The following STX2 variants were observed in gnomAD, a reference collection of about 807,000 sequenced individuals.
The protein encoded by STX2 is syntaxin 2, also known as syntaxin-2.
A neutral mutation model predicts 40.6 loss-of-function variants in STX2; 27 were observed. The observed-to-expected ratio is 0.66, with a 90% CI of 0.49 to 0.92. STX2 has a LOEUF of 0.92. Ranked by LOEUF, STX2 falls within the 40% of genes least tolerant of loss-of-function variation. STX2 has a pLI of 0.00. For missense variants in STX2, 328 were observed against 366.1 expected (o/e 0.90, Z 0.85); for synonymous variants, 123 against 119.1 (o/e 1.03, Z -0.22).
intron 4 of STX2, 98 bp from the exon 5 acceptor site, chr12:130,808,802 T>G: frequency 2.9e-6 from 3 of 1,031,066 alleles, no homozygotes; most frequent in Non-Finnish European, 4.3e-6. Flanking sequence ...TTGAAGTATC[T>G]TTATAAAACT....
chr12:130,828,638 G>A (rs1332686121), intron 1 of STX2, among the ~76,000 whole-genome samples: 22 of 151,328 alleles, frequency 1.5e-4, no homozygotes, highest in Non-Finnish European at 2.2e-4. Flanking sequence ...AGGCCGAGGC[G>A]GGTGGATCAC....
intron 2 of STX2, among the ~76,000 whole-genome samples, chr12:130,823,511 C>T (rs1335498540): frequency 3.9e-5 from 6 of 152,108 alleles, no homozygotes; most frequent in East Asian, 1.9e-4. Context: ...CCTTATAAGA[C>T]GAGGCAAGGG....
chr12:130,810,157 ATTATT>A (rs1413083540), intron 4 of STX2, among the ~76,000 whole-genome samples: 1 of 152,230 alleles, frequency 6.6e-6, no homozygotes, highest in Non-Finnish European at 1.5e-5. Context: ...TGCTGGCATA[ATTATT>A]TTGAGTCTGT....
In STX2 at chr12:130,801,454, C is replaced by T; in HGVS notation, c.498G>A (p.Glu166=). ...TGGATGGCTTCCCGCTCTCCAGCAT[C>T]TCTTCTAGCTCGTCGTCTGTGGTGG... ...GRTTTDDELE[E]MLESGKPSIF... Residue 166 remains glutamate, a synonymous_variant, in exon 7 of 11, where the codon GAG becomes GAA. Transcript: ENST00000392373. 6.2e-7 allele frequency: 1 copy of T among 1,610,472 alleles called. No individual in the cohort carries two copies. Among genetic ancestry groups the T allele is most frequent in the Non-Finnish European group, 8.5e-7 (1 of 1,177,960 alleles).
At chr12:130,823,052 C>T (rs1356975401) in intron 2 of STX2, among the ~76,000 whole-genome samples, 15 of 152,148 alleles carry the variant, frequency 9.9e-5, no homozygotes, top group African/African-American at 3.4e-4. Flanking sequence ...CCTGTAATCC[C>T]AGCACTTTGG....
intron 3 of STX2, among the ~76,000 whole-genome samples, chr12:130,820,137 T>C (rs985344662): frequency 6.6e-6 from 1 of 152,208 alleles, no homozygotes; most frequent in African/African-American, 2.4e-5. Context: ...TCACCACTTC[T>C]ATTCAATACT....
chr12:130,821,647 C>G (rs952930028), intron 3 of STX2, 42 bp downstream of exon 3: 7 of 1,519,836 alleles, frequency 4.6e-6, no homozygotes, highest in Non-Finnish European at 6.4e-6. Flanking sequence ...CAGAGGGACA[C>G]ACAGACAGAC....
At chr12:130,824,257 T>C (rs1161444965) in intron 2 of STX2, among the ~76,000 whole-genome samples, 3 of 145,764 alleles carry the variant, frequency 2.1e-5, no homozygotes, top group Non-Finnish European at 4.5e-5. Flanking sequence ...GGCGTGGTGG[T>C]GTGCCTGTAG....
At chr12:130,800,919 T>C (rs979245674) in intron 8 of STX2, among the ~76,000 whole-genome samples, 1 of 152,246 alleles carries the variant, frequency 6.6e-6, no homozygotes, top group African/African-American at 2.4e-5. Flanking sequence ...CCTAAAAGGC[T>C]GACCTATGAA....
chr12:130,805,173 A>G (rs1951383370), intron 6 of STX2, among the ~76,000 whole-genome samples: 1 of 152,246 alleles, frequency 6.6e-6, no homozygotes, highest in Non-Finnish European at 1.5e-5. Flanking sequence ...TTTTCATAGA[A>G]AAGCAGTCTA....
Position 130,796,485 on chromosome 12 carries a change from CAAAAAAATAA to C in STX2, c.787-375_787-366del, listed in dbSNP as rs550284387. Among the ~76,000 whole-genome samples the C allele has an allele frequency of 5.3e-5, 8 of 152,102 alleles. No homozygotes were observed. In the South Asian group the frequency reaches 1.7e-3, roughly 32 times the overall value. On this transcript the variant is annotated intron_variant, in intron 9 of 10. Transcript: ENST00000392373. ...TGGGCAACAGAGCAAGACTCCATCTCAAAAAAATAAAATAAAATAAAGCAAAACAACCCAT... is the reference window on the plus strand; with the variant it reads ...TGGGCAACAGAGCAAGACTCCATCTCAATAAAATAAAGCAAAACAACCCAT...
Position 130,801,118 on chromosome 12 carries a change from T to C in STX2, c.675+35A>G, listed in dbSNP as rs1881060. On this transcript the variant is annotated intron_variant, in intron 8 of 10. Coordinates refer to ENST00000392373, the MANE Select transcript of STX2 (RefSeq NM_194356.4). Reference sequence around the variant, plus strand: ...GCAGTAAGATTTTACACATGACTGATATCTCTCTTGGAGAATGCAAGAGTC... The same window carrying C: ...GCAGTAAGATTTTACACATGACTGACATCTCTCTTGGAGAATGCAAGAGTC... 1 allele frequency: 1,572,408 copies of C among 1,576,848 alleles called. 784,085 individuals carry two copies. The highest frequency in any genetic ancestry group is 1 in the East Asian group (44,044 of 44,044).
intron 1 of STX2, among the ~76,000 whole-genome samples, chr12:130,831,582 G>A (rs747441121): frequency 6.6e-6 from 1 of 152,102 alleles, no homozygotes; most frequent in African/African-American, 2.4e-5. Context: ...AGGCTGTAGT[G>A]AGCAGTGATG....
At chr12:130,827,124 G>A (rs1952347916) in intron 2 of STX2, 69 bp downstream of exon 2, 1 of 644,712 alleles carries the variant, frequency 1.6e-6, no homozygotes, top group Admixed American at 2.3e-5. Flanking sequence ...GAAGAAAGGA[G>A]GGAGGGGTGG....
At chr12:130,815,087 AAG>A (rs1305013902) in intron 3 of STX2, among the ~76,000 whole-genome samples, 1 of 152,204 alleles carries the variant, frequency 6.6e-6, no homozygotes, top group African/African-American at 2.4e-5. Context: ...AGGAAAGAAA[AAG>A]AAAAAACAAA....
chr12:130,799,307 A>G (rs1256491761), intron 8 of STX2, among the ~76,000 whole-genome samples: 1 of 152,258 alleles, frequency 6.6e-6, no homozygotes, highest in Non-Finnish European at 1.5e-5. Flanking sequence ...ATGAGTCAAT[A>G]TAATGCAATA....
At chr12:130,812,564 G>A in intron 4 of STX2, 1 of 287,622 alleles carries the variant, frequency 3.5e-6, no homozygotes, top group Non-Finnish European at 6.8e-6. Flanking sequence ...CTCTGTTTAA[G>A]TCCCCTGTTT....
chr12:130,807,552 A>AT (rs1449630394), intron 5 of STX2, among the ~76,000 whole-genome samples: 1 of 140,072 alleles, frequency 7.1e-6, no homozygotes, highest in Admixed American at 7.1e-5. Flanking sequence ...CCTTGTGCCC[A>AT]TGAGGGGACC....
intron 9 of STX2, among the ~76,000 whole-genome samples, chr12:130,796,323 G>A (rs1468570177): frequency 6.6e-6 from 1 of 152,050 alleles, no homozygotes; most frequent in Non-Finnish European, 1.5e-5. Flanking sequence ...GCGAAACCCT[G>A]TCTCTACTAA....
Sources: gnomAD v4.1 joint callset for allele counts (sites outside exome capture counted in the v4.1 genomes callset) on GRCh38, gnomAD v4.1.1 for gene constraint, MANE v1.5 for transcripts, NCBI Gene and HGNC (gene_info 2026-07-23, HGNC 2026-07-21) for gene names.